The following COCH variants were observed in gnomAD, a reference collection of about 807,000 sequenced individuals.
COCH encodes the protein coagulation factor C homolog, cochlin (Limulus polyphemus).
Under a neutral mutation model 54.8 loss-of-function variants are expected in COCH, and 40 were observed. That is an observed-to-expected ratio of 0.73 (90% CI 0.57 to 0.95). The LOEUF (loss-of-function observed/expected upper bound fraction) is 0.95. Ranked by LOEUF, COCH falls within the 40% of genes least tolerant of loss-of-function variation. The pLI, the probability that COCH is intolerant of heterozygous loss-of-function variation, is 0.00. For missense variants in COCH, 605 were observed against 675.0 expected (o/e 0.90, Z 1.15); for synonymous variants, 256 against 237.9 (o/e 1.08, Z -0.70).
In COCH at chr14:30,877,583, A is replaced by G; in HGVS notation, c.94A>G (p.Ile32Val). The change falls in exon 4 of 12, where the codon ATC (isoleucine) becomes GTC (valine). Residue 32 changes from isoleucine (I) to valine (V), a missense_variant. Transcript: ENST00000396618. This position sits in a 1 kb window ranked among gnomAD's most constrained non-coding sequence, Gnocchi z 8.6. ...AGSEGAAPIA[I>V]TCFTRGLDIR... Reference sequence around the variant, plus strand: ...TCCTTTTTCTTCAGCTCCCATTGCTATCACATGTTTTACCAGAGGCTTGGA... The same window carrying G: ...TCCTTTTTCTTCAGCTCCCATTGCTGTCACATGTTTTACCAGAGGCTTGGA... 1 of 1,614,106 alleles carries G rather than the reference A, an allele frequency of 6.2e-7. No individual in the cohort carries two copies. Among genetic ancestry groups the G allele is most frequent in the Non-Finnish European group, 8.5e-7 (1 of 1,179,942 alleles).
chr14:30,893,147 C>T (rs944423148), downstream of COCH, among the ~76,000 whole-genome samples: 1 of 92,056 alleles, frequency 1.1e-5, no homozygotes, highest in African/African-American at 3.8e-5. Flanking sequence ...GCAAAAACCA[C>T]AATTTTTTTT....
rs1895500471 is a variant in COCH at position 30,879,690 on chromosome 14, C to T, written c.436+205C>T. On this transcript the variant is annotated intron_variant, in intron 6 of 11. Transcript: ENST00000396618. ...ACAGGGTCTCACTCTGTTGCTCAGGCTGGAGTACAGTGGTGCAATCATAGC... is the reference window on the plus strand; with the variant it reads ...ACAGGGTCTCACTCTGTTGCTCAGGTTGGAGTACAGTGGTGCAATCATAGC... Among the ~76,000 whole-genome samples, 3 of 152,204 alleles carry T rather than the reference C, an allele frequency of 2.0e-5. No individual in the cohort carries two copies. The South Asian group carries it at 6.2e-4, about 32-fold the overall frequency.
intron 11 of COCH, among the ~76,000 whole-genome samples, chr14:30,886,957 A>G (rs969021653): frequency 2.0e-5 from 3 of 152,164 alleles, no homozygotes; most frequent in Non-Finnish European, 2.9e-5. Flanking sequence ...CCTGGGCTCA[A>G]GCAATCCTCA....
At chr14:30,884,437 A>T in intron 8 of COCH, 116 bp from the exon 9 acceptor site, 1 of 721,104 alleles carries the variant, frequency 1.4e-6, no homozygotes, top group East Asian at 2.7e-5. Context: ...TGTACTATGG[A>T]ATTAAGAAAG....
In COCH at chr14:30,886,052, T is replaced by C. The variant is rs748478920; in HGVS notation, c.1217T>C (p.Ile406Thr). The C allele has an allele frequency of 8.1e-6, 13 of 1,614,144 alleles. No homozygotes were observed. Among genetic ancestry groups the C allele is most frequent in the African/African-American group, 1.3e-5 (1 of 74,952 alleles). ...GAAATCTCGGACATTGGTGCCAAGA[T>C]AGCTGCTGTACAGTTTACTTATGAT... is the stretch of plus-strand genomic sequence containing the variant. The part of the protein sequence containing the change: ...TFEISDIGAK[I>T]AAVQFTYDQR... Residue 406 changes from isoleucine to threonine, a missense_variant, in exon 11 of 12, where the codon ATA (isoleucine) becomes ACA (threonine). Transcript: ENST00000396618.
At position 30,875,078 on chromosome 14, in the gene COCH, G is replaced by A. The variant is rs1372431300; in HGVS notation, c.57G>A (p.Pro19=). 3 of 1,591,420 alleles carry A rather than the reference G, an allele frequency of 1.9e-6. No individual in the cohort carries two copies. Among genetic ancestry groups the A allele is most frequent in the East Asian group, 2.3e-5 (1 of 43,950 alleles). The change falls in exon 3 of 12, where the codon CCG becomes CCA. Residue 19 remains proline (P), a synonymous_variant. Coordinates refer to ENST00000396618, the MANE Select transcript of COCH (RefSeq NM_004086.3). The stretch of plus-strand genomic sequence containing the variant: ...CAGGTGTGTGTCTGCTGCTGCTGCC[G>A]GGGCCCGCGGGCAGCGAGGGAGCCG... ...LGLGVCLLLL[P]GPAGSEGAAP...
chr14:30,892,475 G>A (rs1010034165), downstream of COCH, among the ~76,000 whole-genome samples: 7 of 152,036 alleles, frequency 4.6e-5, no homozygotes, highest in African/African-American at 1.4e-4. Flanking sequence ...TTAGTTGAAT[G>A]TTCAGTTCAG....
chr14:30,879,090 C>A, intron 5 of COCH, 146 bp downstream of exon 5: 1 of 1,237,682 alleles, frequency 8.1e-7, no homozygotes, highest in Non-Finnish European at 1.2e-6. Flanking sequence ...GTAGGTTAGA[C>A]TGAGGGGTCA....
rs747378845 is a variant in COCH, at chr14:30,885,791, A to T, written c.961-5A>T. ...TGGATATCTTTTATGTGTCTCCCCC[A>T]TTAGGCTGTCTGTCGGAATAATGGC... On this transcript the variant is annotated splice_region_variant and splice_polypyrimidine_tract_variant and intron_variant, in intron 10 of 11. Transcript: ENST00000396618. 6.2e-7 allele frequency: 1 copy of T among 1,613,994 alleles called. No individual in the cohort carries two copies.
chr14:30,885,799 G>C lies in COCH; in HGVS notation c.964G>C (p.Val322Leu). Reference sequence around the variant, plus strand: ...TTTTATGTGTCTCCCCCATTAGGCTGTCTGTCGGAATAATGGCTTCTTCTC... The same window carrying C: ...TTTTATGTGTCTCCCCCATTAGGCTCTCTGTCGGAATAATGGCTTCTTCTC... ...VQDVTFVDKAVCRNNGFFSYH... is the reference protein window; with the variant it reads ...VQDVTFVDKALCRNNGFFSYH... The change falls in exon 11 of 12, where the codon GTC becomes CTC. Residue 322 changes from valine (V) to leucine (L), a missense_variant. By Grantham distance (32) the Val-to-Leu change is conservative (BLOSUM62 1). Transcript: ENST00000396618. 6.2e-7 allele frequency: 1 copy of C among 1,613,980 alleles called. No homozygotes were observed. The highest frequency in any genetic ancestry group is 1.3e-5 in the African/African-American group (1 of 75,024).
downstream of COCH, among the ~76,000 whole-genome samples, chr14:30,891,325 A>G (rs1895977581): frequency 6.6e-6 from 1 of 152,150 alleles, no homozygotes; most frequent in Non-Finnish European, 1.5e-5. Context: ...GTCTTTTCTA[A>G]AGATAGGTCC....
chr14:30,894,931 G>C, downstream of COCH: 1 of 1,095,476 alleles, frequency 9.1e-7, no homozygotes, highest in African/African-American at 1.8e-5. Flanking sequence ...GTTTAAAAGG[G>C]AATCTGTGGC....
At chr14:30,879,075 A>C (rs1895479250) in intron 5 of COCH, 131 bp downstream of exon 5, 1 of 1,336,834 alleles carries the variant, frequency 7.5e-7, no homozygotes, top group South Asian at 1.2e-5. Context: ...CTATAGAGGT[A>C]AACTGTAGGT....
downstream of COCH, among the ~76,000 whole-genome samples, chr14:30,890,849 G>A (rs1895958155): frequency 6.6e-6 from 1 of 151,944 alleles, no homozygotes; most frequent in South Asian, 2.1e-4. Context: ...ACCAGCCTGG[G>A]CAACATAGTG....
chr14:30,884,795 A>C (rs1463437786), intron 9 of COCH, 139 bp downstream of exon 9: 2 of 1,318,322 alleles, frequency 1.5e-6, no homozygotes, highest in Admixed American at 4.7e-5. Flanking sequence ...TCTGCATTTG[A>C]TCATCTGAGA....
At chr14:30,885,352 G>A in intron 9 of COCH, 42 bp from the exon 10 acceptor site, 1 of 1,466,656 alleles carries the variant, frequency 6.8e-7, no homozygotes, top group Non-Finnish European at 9.6e-7. Context: ...TGTGGTTTGA[G>A]CAGTGGTAAA....
chr14:30,879,766 C>A (rs987776739), intron 6 of COCH, among the ~76,000 whole-genome samples: 1 of 152,224 alleles, frequency 6.6e-6, no homozygotes, highest in Non-Finnish European at 1.5e-5. Flanking sequence ...ACCTTGGCCT[C>A]CTGAGTAGGT....
intron 3 of COCH, chr14:30,875,505 A>C: frequency 2.0e-6 from 1 of 498,560 alleles, no homozygotes; most frequent in Non-Finnish European, 3.5e-6. Context: ...AGCCGCCCAG[A>C]CCCGACTTCA....
At chr14:30,884,887 T>A in intron 9 of COCH, 1 of 1,574,446 alleles carries the variant, frequency 6.4e-7, no homozygotes, top group Non-Finnish European at 8.6e-7. Flanking sequence ...TGATTTAGAA[T>A]TCTCATACAT....
Sources: allele counts gnomAD v4.1 joint callset (sites outside exome capture counted in the v4.1 genomes callset), GRCh38; gene constraint gnomAD v4.1.1; non-coding constraint Gnocchi (gnomAD v3.1); transcripts MANE v1.5; gene names NCBI Gene and HGNC (gene_info 2026-07-23, HGNC 2026-07-21).